Variants in ZFAT observed in about 807,000 individuals in gnomAD.
ZFAT encodes zinc finger and AT-hook domain containing.
Under a neutral mutation model 117.7 loss-of-function variants are expected in ZFAT, and 64 were observed. The ratio of observed to expected loss-of-function variants is 0.54; its 90% CI spans 0.44 to 0.67. ZFAT has a LOEUF of 0.67. ZFAT is among the 30% of genes least tolerant of loss of function. ZFAT has a pLI of 0.00. For missense variants in ZFAT, 1,433 were observed against 1,584.5 expected, an observed-to-expected ratio of 0.90 and a Z score of 1.62; for synonymous variants, 679 against 615.0, an observed-to-expected ratio of 1.10 and a Z score of -1.54.
the ZFAT span, among the ~76,000 whole-genome samples, chr8:134,802,473 C>T: frequency 1.3e-5 from 2 of 152,146 alleles, no homozygotes; most frequent in African/African-American, 2.4e-5. Context: ...GTAGAAGGAA[C>T]TGAGGTGTGG....
intron 1 of ZFAT, among the ~76,000 whole-genome samples, chr8:134,689,945 GA>G (rs1317673381): frequency 6.6e-6 from 1 of 152,112 alleles, no homozygotes; most frequent in Non-Finnish European, 1.5e-5. Flanking sequence ...AAATAATCAA[GA>G]AAAAATAATT....
intron 2 of ZFAT, among the ~76,000 whole-genome samples, chr8:134,641,431 C>A (rs1344411715): frequency 2.6e-5 from 4 of 152,212 alleles, no homozygotes; most frequent in Non-Finnish European, 5.9e-5. Context: ...CAGTTCAAAT[C>A]CTAACATGTC....
intron 13 of ZFAT, 58 bp from the exon 14 acceptor site, chr8:134,512,659 T>TCA: frequency 6.3e-7 from 1 of 1,577,130 alleles, no homozygotes; most frequent in African/African-American, 1.4e-5. Context: ...TGCCCAGAAG[T>TCA]TCCAAGATAA....
chr8:134,813,839 C>T, the ZFAT span, among the ~76,000 whole-genome samples: 2 of 144,746 alleles, frequency 1.4e-5, no homozygotes, highest in African/African-American at 5.2e-5. Context: ...CACACACACA[C>T]GTCAAAGATA....
rs911082703 is a variant in ZFAT, at chr8:134,600,573, T to C, written c.2338A>G (p.Ile780Val). Residue 780 changes from isoleucine (I) to valine (V), a missense_variant, in exon 7 of 16, where the codon ATC becomes GTC. By Grantham distance (29) the Ile-to-Val change is conservative (BLOSUM62 3). Transcript: ENST00000377838. ...TGGCGTTTAAGGCAGTTTTTGGTGA[T>C]GGAAGAATAATGACACTGAGAGCAA... The part of the protein sequence containing the change: ...YYCSQCHYSS[I>V]TKNCLKRHVI... The C allele has an allele frequency of 3.7e-6, 6 of 1,613,968 alleles. No individual in the cohort carries two copies. The African/African-American group carries it at 5.3e-5, about 14-fold the overall frequency.
the ZFAT span, among the ~76,000 whole-genome samples, chr8:134,725,942 T>C: frequency 1.3e-5 from 2 of 152,172 alleles, no homozygotes; most frequent in East Asian, 1.9e-4. Context: ...ATTCATTCTA[T>C]CAATGAATTA....
At chr8:134,703,546 G>A (rs898813618) in intron 1 of ZFAT, among the ~76,000 whole-genome samples, 3 of 152,222 alleles carry the variant, frequency 2.0e-5, no homozygotes, top group Admixed American at 1.3e-4. Flanking sequence ...GGCCACATCA[G>A]CAAGCACAGA....
At chr8:134,717,601 G>GC (rs1187614254), upstream of ZFAT, among the ~76,000 whole-genome samples, 2 of 146,094 alleles carry the variant, frequency 1.4e-5, no homozygotes, top group Admixed American at 1.4e-4. Context: ...CTCCTGCTCA[G>GC]CCTTCCGAGT....
At chr8:134,524,117 G>C (rs142327475) in intron 12 of ZFAT, among the ~76,000 whole-genome samples, 212 of 152,248 alleles carry the variant, frequency 1.4e-3, no homozygotes, top group Non-Finnish European at 2.3e-3. Context: ...TCTTTCTTGA[G>C]CTCCTTCTCC....
rs758075626 is a variant in ZFAT, at chr8:134,600,584, T to C, written c.2327A>G (p.His776Arg). ...GCAGTTTTTGGTGATGGAAGAATAATGACACTGAGAGCAATAATACAGATG... is the reference window on the plus strand; with the variant it reads ...GCAGTTTTTGGTGATGGAAGAATAACGACACTGAGAGCAATAATACAGATG... The part of the protein sequence containing the change: ...REHLYYCSQC[H>R]YSSITKNCLK... The change falls in exon 7 of 16, where the codon CAT (histidine) becomes CGT (arginine). Residue 776 changes from histidine (H) to arginine (R), a missense_variant. Transcript: ENST00000377838. 2 of 1,614,086 alleles carry C rather than the reference T, an allele frequency of 1.2e-6. No homozygotes were observed. The highest frequency in any genetic ancestry group is 1.7e-6 in the Non-Finnish European group (2 of 1,180,026).
chr8:134,799,379 C>A, the ZFAT span, among the ~76,000 whole-genome samples: 2 of 152,002 alleles, frequency 1.3e-5, no homozygotes, highest in Non-Finnish European at 1.5e-5. Flanking sequence ...TTCACCTATA[C>A]AGAATGTGGA....
the ZFAT span, chr8:134,792,161 G>A: frequency 6.6e-6 from 1 of 152,228 alleles, no homozygotes; most frequent in Non-Finnish European, 1.5e-5. Context: ...CATAGGTAAT[G>A]AAGCTTCATA....
intron 11 of ZFAT, among the ~76,000 whole-genome samples, chr8:134,545,628 T>TGGCTA (rs1360100350): frequency 2.6e-5 from 4 of 152,234 alleles, no homozygotes; most frequent in African/African-American, 9.6e-5. Context: ...GCCACCCATG[T>TGGCTA]ATGCATCTCT....
chr8:134,744,523 T>A, the ZFAT span, among the ~76,000 whole-genome samples: 1 of 151,748 alleles, frequency 6.6e-6, no homozygotes, highest in Non-Finnish European at 1.5e-5. Flanking sequence ...CTCAAACTCC[T>A]GACCTCAAGT....
Position 134,614,280 on chromosome 8 carries a change from T to C in ZFAT, c.449-3625A>G, listed in dbSNP as rs760006225. 1.0e-3 allele frequency among the ~76,000 whole-genome samples: 152 copies of C among 152,304 alleles called. 3 individuals carry two copies. In the Middle Eastern group the frequency reaches 0.02, roughly 20 times the overall value. On this transcript the variant is annotated intron_variant, in intron 3 of 15. Coordinates refer to ENST00000377838, the MANE Select transcript of ZFAT (RefSeq NM_020863.4). Reference sequence around the variant, plus strand: ...CTCATGTACTTATCTCCTACCCCTTTGGGCTCCAACAATGCTGAACCACAA... The same window carrying C: ...CTCATGTACTTATCTCCTACCCCTTCGGGCTCCAACAATGCTGAACCACAA...
chr8:134,783,175 T>C, the ZFAT span, among the ~76,000 whole-genome samples: 2 of 152,198 alleles, frequency 1.3e-5, no homozygotes, highest in Admixed American at 1.3e-4. Context: ...CTGTTTTCAA[T>C]GTATGAAACA....
intron 3 of ZFAT, among the ~76,000 whole-genome samples, chr8:134,615,679 T>A (rs1184302172): frequency 6.6e-6 from 1 of 152,188 alleles, no homozygotes; most frequent in Non-Finnish European, 1.5e-5. Context: ...CTCTGCCCAC[T>A]CAAGACTGCC....
chr8:134,618,885 A>T lies in ZFAT; in HGVS notation c.449-8230T>A, dbSNP rs115500073. ...TGTAATACCTTAGTGTACAAAACAGAGAGAGAGCCCTGCCCTCTGGAGTTT... is the reference window on the plus strand; with the variant it reads ...TGTAATACCTTAGTGTACAAAACAGTGAGAGAGCCCTGCCCTCTGGAGTTT... On this transcript the variant is annotated intron_variant, in intron 3 of 15. Transcript: ENST00000377838. Among the ~76,000 whole-genome samples the T allele has an allele frequency of 7.6e-3, 1,152 of 152,316 alleles. 13 individuals are homozygous for T. Among genetic ancestry groups the T allele is most frequent in the African/African-American group, 0.026 (1,092 of 41,564 alleles).
At chr8:134,546,550 A>G (rs1048836226) in intron 11 of ZFAT, among the ~76,000 whole-genome samples, 9 of 152,174 alleles carry the variant, frequency 5.9e-5, no homozygotes, top group African/African-American at 2.2e-4. Context: ...TTAGAAAGCA[A>G]TTTCATCTAA....
Sources: gnomAD v4.1 joint callset for allele counts (sites outside exome capture counted in the v4.1 genomes callset) on GRCh38, gnomAD v4.1.1 for gene constraint, MANE v1.5 for transcripts, NCBI Gene and HGNC (gene_info 2026-07-23, HGNC 2026-07-21) for gene names.